Variants in KCNN2 observed in about 807,000 individuals in gnomAD.
The protein encoded by KCNN2 is small conductance calcium-activated potassium channel protein 2.
A neutral mutation model predicts 55.5 loss-of-function variants in KCNN2; 24 were observed. That is an observed-to-expected ratio of 0.43 (90% CI 0.31 to 0.61). The LOEUF (loss-of-function observed/expected upper bound fraction) is 0.61. Ranked by LOEUF, KCNN2 falls within the 20% of genes least tolerant of loss-of-function variation. The probability of loss-of-function intolerance (pLI) is 0.08; values close to 1 mark genes in which losing one functional copy is unlikely to be tolerated. For synonymous variants in KCNN2, 431 were observed against 336.1 expected, an observed-to-expected ratio of 1.28 and a Z score of -3.09; for missense variants, 754 against 853.6, an observed-to-expected ratio of 0.88 and a Z score of 1.45.
At chr5:114,343,041 G>C (rs1169257763) in intron 2 of KCNN2, among the ~76,000 whole-genome samples, 2 of 152,160 alleles carry the variant, frequency 1.3e-5, no homozygotes, top group African/African-American at 4.8e-5. Context: ...GTTAAGTTCT[G>C]TTTATAAATA....
chr5:114,324,253 C>G (rs755122348), intron 2 of KCNN2, among the ~76,000 whole-genome samples: 1 of 152,090 alleles, frequency 6.6e-6, no homozygotes, highest in African/African-American at 2.4e-5. Flanking sequence ...GTCCTAATCA[C>G]GAGAACATGT....
chr5:114,209,024 C>T (rs550295061), intron 1 of KCNN2, among the ~76,000 whole-genome samples: 1 of 151,870 alleles, frequency 6.6e-6, no homozygotes, highest in Non-Finnish European at 1.5e-5. Flanking sequence ...TCTTTCTTAG[C>T]CTTTTGCTTC....
At chr5:114,279,541 A>G (rs59927376) in intron 2 of KCNN2, among the ~76,000 whole-genome samples, 13,441 of 152,128 alleles carry the variant, frequency 0.088, 1,744 homozygotes, top group East Asian at 0.63. Flanking sequence ...ATGAGTGAGA[A>G]CATGTGGTGT....
chr5:114,113,528 T>A (rs1045487459), intron 1 of KCNN2, among the ~76,000 whole-genome samples: 1 of 151,936 alleles, frequency 6.6e-6, no homozygotes, highest in African/African-American at 2.4e-5. Context: ...GGCAAAAAAA[T>A]TTTATCTGAC....
At chr5:114,144,136 C>G (rs1296119665) in intron 1 of KCNN2, among the ~76,000 whole-genome samples, 1 of 152,196 alleles carries the variant, frequency 6.6e-6, no homozygotes, top group Non-Finnish European at 1.5e-5. Context: ...AAATTACCTT[C>G]AGTTCCTTGT....
chr5:114,363,433 C>G (rs915261610), intron 1 of KCNN2, among the ~76,000 whole-genome samples, 172 bp downstream of exon 1: 1 of 152,232 alleles, frequency 6.6e-6, no homozygotes, highest in Non-Finnish European at 1.5e-5. Flanking sequence ...CTAAACAACT[C>G]GGAGATGAAC....
At chr5:114,196,711 C>G (rs143651690) in intron 1 of KCNN2, among the ~76,000 whole-genome samples, 37 of 152,114 alleles carry the variant, frequency 2.4e-4, no homozygotes, top group Admixed American at 1.1e-3. Flanking sequence ...CTGATTTTAG[C>G]AACTTACATC....
At chr5:114,404,359 G>C in intron 2 of KCNN2, 79 bp from the exon 3 acceptor site, 1 of 1,131,524 alleles carries the variant, frequency 8.8e-7, no homozygotes, top group Non-Finnish European at 1.3e-6. Flanking sequence ...GTCATCTGTT[G>C]TGTGTTTTTA....
intron 3 of KCNN2, among the ~76,000 whole-genome samples, chr5:114,445,214 C>G (rs1760357747): frequency 6.6e-6 from 1 of 152,096 alleles, no homozygotes; most frequent in Admixed American, 6.6e-5. Flanking sequence ...CAAGTGATTT[C>G]AGGATAAGCA....
chr5:114,228,622 T>C (rs2112600888), intron 2 of KCNN2, among the ~76,000 whole-genome samples: 1 of 152,204 alleles, frequency 6.6e-6, no homozygotes, highest in African/African-American at 2.4e-5. Flanking sequence ...TACACTAATA[T>C]GCTTTATGTT....
At chr5:114,288,804 C>G (rs77888634) in intron 2 of KCNN2, among the ~76,000 whole-genome samples, 12,305 of 152,100 alleles carry the variant, frequency 0.081, 619 homozygotes, top group African/African-American at 0.13. Flanking sequence ...TTCACGCATC[C>G]TGTAGGTTGT....
At chr5:114,180,078 C>T (rs1223959646) in intron 1 of KCNN2, among the ~76,000 whole-genome samples, 1 of 152,152 alleles carries the variant, frequency 6.6e-6, no homozygotes. Context: ...AGGGTGGGTG[C>T]ACTCTGTGGA....
At position 114,305,899 on chromosome 5, in the gene KCNN2, T is replaced by A. The variant is rs182587751; in HGVS notation, c.-184-55046T>A. Among the ~76,000 whole-genome samples, 3 of 152,322 alleles carry A rather than the reference T, an allele frequency of 2.0e-5. No individual in the cohort carries two copies. The East Asian group carries it at 5.8e-4, about 29-fold the overall frequency. On this transcript the variant is annotated intron_variant, in intron 2 of 10. Transcript: ENST00000512097. ...AGGTCTAAAAGGGCAGATAAAGCAATATACTTGTAAGTGACAGAGGGATTA... is the reference window on the plus strand; with the variant it reads ...AGGTCTAAAAGGGCAGATAAAGCAAAATACTTGTAAGTGACAGAGGGATTA...
intron 1 of KCNN2, among the ~76,000 whole-genome samples, chr5:114,197,113 C>T (rs1007192429): frequency 6.6e-6 from 1 of 151,960 alleles, no homozygotes; most frequent in Non-Finnish European, 1.5e-5. Context: ...GGTAAGTTTG[C>T]TTATTTTCAG....
intron 2 of KCNN2, among the ~76,000 whole-genome samples, chr5:114,334,292 G>C: frequency 6.9e-6 from 1 of 144,392 alleles, no homozygotes; most frequent in African/African-American, 2.5e-5. Flanking sequence ...GTGTGTGTGT[G>C]TGTGTGTGTG....
chr5:114,345,280 G>A (rs931862748), intron 2 of KCNN2, among the ~76,000 whole-genome samples: 2 of 152,126 alleles, frequency 1.3e-5, no homozygotes, highest in Non-Finnish European at 1.5e-5. Flanking sequence ...TGGTACAAAA[G>A]AAATACAAGC....
chr5:114,222,411 A>C (rs1258836299), intron 2 of KCNN2, among the ~76,000 whole-genome samples: 2 of 152,226 alleles, frequency 1.3e-5, no homozygotes, highest in Non-Finnish European at 2.9e-5. Context: ...ATGAATATCA[A>C]AAAATTGAAC....
intron 2 of KCNN2, among the ~76,000 whole-genome samples, chr5:114,288,645 CTTG>C (rs751094682): frequency 4.1e-4 from 63 of 152,004 alleles, no homozygotes; most frequent in Admixed American, 1.1e-3. Flanking sequence ...TTTTCATGTG[CTTG>C]TTGTCAATCG....
chr5:114,182,160 A>G lies in KCNN2; in HGVS notation c.-270-39320A>G, dbSNP rs376504941. 3.9e-5 allele frequency among the ~76,000 whole-genome samples: 6 copies of G among 152,036 alleles called. No homozygotes were observed. The East Asian group carries it at 7.7e-4, about 20-fold the overall frequency. On this transcript the variant is annotated intron_variant, in intron 1 of 10. Coordinates refer to the KCNN2 transcript ENST00000512097. ...ACTTTGGATTCATTGCAGAAACTCA[A>G]ATGACTTTAGAATTATCAATCTACT...
Sources: gnomAD v4.1 joint callset for allele counts (sites outside exome capture counted in the v4.1 genomes callset) on GRCh38, gnomAD v4.1.1 for gene constraint, MANE v1.5 for transcripts, NCBI Gene and HGNC (gene_info 2026-07-23, HGNC 2026-07-21) for gene names.